The following UNC13C variants were observed in gnomAD, a reference collection of about 807,000 sequenced individuals.
UNC13C encodes protein unc-13 homolog C.
In UNC13C, 174 loss-of-function variants were observed where a neutral mutation model predicts 245.4. The observed-to-expected ratio is 0.71, with a 90% CI of 0.63 to 0.80. The LOEUF (loss-of-function observed/expected upper bound fraction) is 0.80. Among genes scored for constraint, UNC13C ranks in the 30% least tolerant of loss-of-function variants. The pLI, the probability that UNC13C is intolerant of heterozygous loss-of-function variation, is 0.00. For missense variants in UNC13C, 2,829 were observed against 2,602.9 expected (o/e 1.09, Z -1.89); for synonymous variants, 992 against 895.1 (o/e 1.11, Z -1.93).
chr15:53,886,616 T>C, the UNC13C span, among the ~76,000 whole-genome samples: 1 of 152,146 alleles, frequency 6.6e-6, no homozygotes, highest in Non-Finnish European at 1.5e-5. Context: ...GCAGTATAAT[T>C]CTTCACTCCT....
chr15:53,916,918 C>A, the UNC13C span, among the ~76,000 whole-genome samples: 1 of 152,116 alleles, frequency 6.6e-6, no homozygotes, highest in Non-Finnish European at 1.5e-5. Context: ...GTTTTTGAGG[C>A]AGGTCGTTTA....
intron 13 of UNC13C, 117 bp from the exon 14 acceptor site, chr15:54,321,822 T>G (rs1192863580): frequency 4.8e-5 from 49 of 1,030,750 alleles, no homozygotes; most frequent in Non-Finnish European, 6.5e-5. Flanking sequence ...GATTGTGCAG[T>G]TTTCTCTCCT....
chr15:53,969,792 A>G, the UNC13C span, among the ~76,000 whole-genome samples: 2 of 152,014 alleles, frequency 1.3e-5, no homozygotes, highest in African/African-American at 4.8e-5. Flanking sequence ...GTATATTGAC[A>G]TTGTTGTGGG....
intron 19 of UNC13C, among the ~76,000 whole-genome samples, chr15:54,442,775 C>T (rs891622543): frequency 4.0e-5 from 6 of 151,890 alleles, no homozygotes; most frequent in Non-Finnish European, 2.9e-5. Context: ...ATAACTTGTT[C>T]ATATTGTGCT....
chr15:54,216,584 A>G (rs16974316), intron 4 of UNC13C, among the ~76,000 whole-genome samples: 12,527 of 151,956 alleles, frequency 0.082, 732 homozygotes, highest in South Asian at 0.2. Context: ...GTCACTTCCT[A>G]TACAAATTTA....
At chr15:54,345,747 A>G (rs181326441) in intron 17 of UNC13C, among the ~76,000 whole-genome samples, 1 of 152,152 alleles carries the variant, frequency 6.6e-6, no homozygotes, top group Admixed American at 6.5e-5. Context: ...CCTATTTATA[A>G]CTCTGGACCA....
chr15:54,441,066 G>A (rs1185900013), intron 19 of UNC13C, among the ~76,000 whole-genome samples: 2 of 151,954 alleles, frequency 1.3e-5, no homozygotes, highest in African/African-American at 4.8e-5. Flanking sequence ...TTTGTTCCTT[G>A]TAAAATGAAT....
At chr15:54,298,047 CTA>C (rs2140942648) in intron 12 of UNC13C, 121 bp downstream of exon 12, 1 of 692,338 alleles carries the variant, frequency 1.4e-6, no homozygotes, top group Admixed American at 2.8e-5. Context: ...AGTTCTGACT[CTA>C]TACTACAGCA....
At chr15:54,413,897 C>CTGTA (rs2140948890) in intron 18 of UNC13C, among the ~76,000 whole-genome samples, 1 of 152,196 alleles carries the variant, frequency 6.6e-6, no homozygotes, top group Admixed American at 6.5e-5. Context: ...GTGTGCAAGT[C>CTGTA]TGTATATATA....
At chr15:54,134,611 C>T (rs1274106219) in intron 2 of UNC13C, among the ~76,000 whole-genome samples, 1 of 152,086 alleles carries the variant, frequency 6.6e-6, no homozygotes, top group East Asian at 1.9e-4. Flanking sequence ...GCTCCGCCCC[C>T]AGGGTTCACG....
intron 19 of UNC13C, among the ~76,000 whole-genome samples, chr15:54,452,084 G>C (rs1180886264): frequency 6.6e-6 from 1 of 152,208 alleles, no homozygotes. Flanking sequence ...GTGATTCTTA[G>C]TGGAGACTGT....
intron 10 of UNC13C, among the ~76,000 whole-genome samples, chr15:54,278,807 T>A (rs1461629010): frequency 2.0e-5 from 3 of 152,160 alleles, no homozygotes; most frequent in Non-Finnish European, 4.4e-5. Context: ...AATGGAAATA[T>A]TATATGGTTC....
At chr15:54,061,312 C>G (rs1897824545) in intron 2 of UNC13C, among the ~76,000 whole-genome samples, 1 of 152,190 alleles carries the variant, frequency 6.6e-6, no homozygotes, top group South Asian at 2.1e-4. Context: ...TCACCTAAGA[C>G]AGTGAATAAT....
chr15:54,284,155 C>A (rs1214934219), intron 10 of UNC13C, among the ~76,000 whole-genome samples: 1 of 152,046 alleles, frequency 6.6e-6, no homozygotes, highest in Admixed American at 6.6e-5. Context: ...CACATATCGC[C>A]ACTTAAATAA....
chr15:54,481,740 C>G (rs1297049868), intron 19 of UNC13C, among the ~76,000 whole-genome samples: 1 of 151,992 alleles, frequency 6.6e-6, no homozygotes, highest in Non-Finnish European at 1.5e-5. Context: ...ATCCAGAGGA[C>G]ATGAAAAGTT....
intron 2 of UNC13C, among the ~76,000 whole-genome samples, chr15:54,048,026 A>G (rs920828702): frequency 1.3e-5 from 2 of 152,194 alleles, no homozygotes; most frequent in African/African-American, 4.8e-5. Flanking sequence ...TTTGTTTTTC[A>G]TCTTTCTGAA....
chr15:53,861,279 G>A, the UNC13C span, among the ~76,000 whole-genome samples: 1 of 152,046 alleles, frequency 6.6e-6, no homozygotes, highest in African/African-American at 2.4e-5. Flanking sequence ...TTATCTAAAA[G>A]GTAAGAATCG....
At chr15:54,135,397 T>C (rs1307149430) in intron 2 of UNC13C, among the ~76,000 whole-genome samples, 2 of 152,212 alleles carry the variant, frequency 1.3e-5, no homozygotes, top group Non-Finnish European at 1.5e-5. Context: ...TTGCCAATGG[T>C]AAATTTTCCT....
chr15:54,540,474 A>G lies in UNC13C; in HGVS notation c.5697-6248A>G, dbSNP rs376250626. Among the ~76,000 whole-genome samples the G allele has an allele frequency of 1.8e-3, 267 of 152,260 alleles. 1 individual carries two copies. Among genetic ancestry groups the G allele is most frequent in the African/African-American group, 6.2e-3 (257 of 41,578 alleles). On this transcript the variant is annotated intron_variant, in intron 26 of 32. Transcript: ENST00000260323. Reference sequence around the variant, plus strand: ...TTCTAAAATATATGCTTTTCAGCTTACATTATCAAGTTGATTAATTCAGAC... The same window carrying G: ...TTCTAAAATATATGCTTTTCAGCTTGCATTATCAAGTTGATTAATTCAGAC...
Sources: gnomAD v4.1 joint callset for allele counts (sites outside exome capture counted in the v4.1 genomes callset) on GRCh38, gnomAD v4.1.1 for gene constraint, MANE v1.5 for transcripts, NCBI Gene and HGNC (gene_info 2026-07-23, HGNC 2026-07-21) for gene names.